Variants in ERBB4 observed in about 807,000 individuals in gnomAD.
ERBB4 encodes the protein receptor tyrosine-protein kinase erbB-4.
Under a neutral mutation model 158.0 loss-of-function variants are expected in ERBB4, and 42 were observed. The observed-to-expected ratio is 0.27, with a 90% confidence interval of 0.21 to 0.34. The LOEUF (loss-of-function observed/expected upper bound fraction) is 0.34, where lower values mean the gene tolerates loss of function less well. Ranked by LOEUF, ERBB4 falls within the 10% of genes least tolerant of loss-of-function variation. ERBB4 has a pLI of 1.00. For synonymous variants in ERBB4, 583 were observed against 558.7 expected (o/e 1.04, Z -0.61); for missense variants, 1,333 against 1,624.1 (o/e 0.82, Z 3.08).
chr2:211,597,411 T>A (rs553875165), intron 19 of ERBB4, among the ~76,000 whole-genome samples: 2 of 152,306 alleles, frequency 1.3e-5, no homozygotes, highest in South Asian at 4.1e-4. Context: ...CATAAATGGA[T>A]TCATTTGTAC....
At chr2:211,691,236 C>A (rs1352698388) in intron 12 of ERBB4, among the ~76,000 whole-genome samples, 1 of 152,092 alleles carries the variant, frequency 6.6e-6, no homozygotes, top group Non-Finnish European at 1.5e-5. Context: ...TGGGCAATTA[C>A]TTACATGCTA....
intron 2 of ERBB4, among the ~76,000 whole-genome samples, chr2:212,042,372 T>C (rs746250628): frequency 2.7e-4 from 41 of 152,092 alleles, no homozygotes; most frequent in Non-Finnish European, 3.8e-4. Context: ...ACCTGAAATA[T>C]AGCCATCATG....
chr2:211,750,534 T>A (rs2075101563), intron 5 of ERBB4, 105 bp downstream of exon 5: 2 of 952,994 alleles, frequency 2.1e-6, no homozygotes, highest in Non-Finnish European at 3.4e-6. Context: ...CACAAGGAGG[T>A]GATAGCTCAT....
chr2:211,406,152 G>A (rs2063143197), intron 25 of ERBB4, among the ~76,000 whole-genome samples: 1 of 152,158 alleles, frequency 6.6e-6, no homozygotes, highest in Non-Finnish European at 1.5e-5. Context: ...TTGCTCAAAT[G>A]ATCCCTTAAC....
intron 16 of ERBB4, among the ~76,000 whole-genome samples, chr2:211,642,065 T>A (rs1019153731): frequency 6.6e-6 from 1 of 152,128 alleles, no homozygotes; most frequent in Non-Finnish European, 1.5e-5. Context: ...TTCTTCCACT[T>A]GATGTGACTC....
chr2:212,083,207 A>G (rs1238342340), intron 2 of ERBB4, among the ~76,000 whole-genome samples: 1 of 152,014 alleles, frequency 6.6e-6, no homozygotes, highest in Non-Finnish European at 1.5e-5. Flanking sequence ...GGATAAAGGG[A>G]TGCAGTAAAA....
At chr2:212,395,925 T>G (rs1657230558) in intron 1 of ERBB4, among the ~76,000 whole-genome samples, 1 of 152,116 alleles carries the variant, frequency 6.6e-6, no homozygotes, top group African/African-American at 2.4e-5. Context: ...CCAGCTATAC[T>G]TTTTTACACA....
chr2:211,573,484 C>T (rs1387114632), intron 19 of ERBB4, among the ~76,000 whole-genome samples: 1 of 152,038 alleles, frequency 6.6e-6, no homozygotes, highest in African/African-American at 2.4e-5. Context: ...TCCTGGCTAA[C>T]ACGGTAAAAC....
chr2:211,601,844 A>C (rs1052915175), intron 19 of ERBB4, among the ~76,000 whole-genome samples: 9 of 152,152 alleles, frequency 5.9e-5, no homozygotes, highest in African/African-American at 1.9e-4. Context: ...AAAAGAAAAT[A>C]AATATTACCA....
At chr2:212,050,286 T>G (rs1284321908) in intron 2 of ERBB4, among the ~76,000 whole-genome samples, 3 of 152,236 alleles carry the variant, frequency 2.0e-5, no homozygotes, top group Non-Finnish European at 4.4e-5. Flanking sequence ...TGGAGATTTC[T>G]GTATCCATAA....
intron 25 of ERBB4, among the ~76,000 whole-genome samples, chr2:211,414,991 A>C (rs561786045): frequency 1.1e-4 from 16 of 151,704 alleles, no homozygotes; most frequent in Admixed American, 7.9e-4. Flanking sequence ...TATAGTGAGC[A>C]TTCAGTAAGT....
At chr2:211,403,762 T>A (rs529929287) in intron 25 of ERBB4, among the ~76,000 whole-genome samples, 4 of 152,286 alleles carry the variant, frequency 2.6e-5, no homozygotes, top group Admixed American at 6.5e-5. Flanking sequence ...CAATCGGTTC[T>A]TCTGCCTTTT....
chr2:212,327,258 A>T lies in ERBB4; in HGVS notation c.83-202355T>A, dbSNP rs957567185. 2.6e-5 allele frequency among the ~76,000 whole-genome samples: 4 copies of T among 151,968 alleles called. No individual in the cohort carries two copies. In the East Asian group the frequency reaches 7.7e-4, roughly 29 times the overall value. ...AAGTATATTATTTAACTTGATCTTCATGATAGCCTTATGTGGTAGGTAATA... is the reference window on the plus strand; with the variant it reads ...AAGTATATTATTTAACTTGATCTTCTTGATAGCCTTATGTGGTAGGTAATA... On this transcript the variant is annotated intron_variant, in intron 1 of 27. Transcript: ENST00000342788.
intron 19 of ERBB4, among the ~76,000 whole-genome samples, chr2:211,582,620 T>C (rs1230120869): frequency 6.6e-6 from 1 of 152,212 alleles, no homozygotes; most frequent in Non-Finnish European, 1.5e-5. Context: ...GATATCATAC[T>C]GACATAGGTT....
intron 1 of ERBB4, among the ~76,000 whole-genome samples, chr2:212,207,286 A>G (rs1407223512): frequency 6.6e-6 from 1 of 152,194 alleles, no homozygotes; most frequent in East Asian, 1.9e-4. Context: ...TAAAGAGATA[A>G]GAAAGTGGAG....
intron 2 of ERBB4, among the ~76,000 whole-genome samples, chr2:212,040,355 CTT>C (rs1228207190): frequency 2.0e-5 from 3 of 151,606 alleles, no homozygotes; most frequent in Admixed American, 6.6e-5. Context: ...AAAGAAAACA[CTT>C]ATATATTTTT....
chr2:212,409,610 G>C (rs16848497), intron 1 of ERBB4, among the ~76,000 whole-genome samples: 3,534 of 152,152 alleles, frequency 0.023, 135 homozygotes, highest in African/African-American at 0.08. Context: ...AGGTAAAACA[G>C]TGATGTCTGG....
At chr2:212,026,969 A>G (rs935149736) in intron 2 of ERBB4, among the ~76,000 whole-genome samples, 10 of 151,996 alleles carry the variant, frequency 6.6e-5, no homozygotes, top group African/African-American at 2.2e-4. Context: ...TATAATATTT[A>G]GTTGATACTA....
chr2:211,863,937 C>T (rs1025958154), intron 3 of ERBB4, among the ~76,000 whole-genome samples: 1 of 152,172 alleles, frequency 6.6e-6, no homozygotes, highest in Non-Finnish European at 1.5e-5. Context: ...TCTTGACCCT[C>T]TGCTTCATAG....
Sources: gnomAD v4.1 joint callset for allele counts (sites outside exome capture counted in the v4.1 genomes callset) on GRCh38, gnomAD v4.1.1 for gene constraint, MANE v1.5 for transcripts, NCBI Gene and HGNC (gene_info 2026-07-23, HGNC 2026-07-21) for gene names.